NETO1: variants seen among roughly 807,000 people sequenced by gnomAD.
NETO1 encodes neuropilin and tolloid-like protein 1.
Under a neutral mutation model 61.3 loss-of-function variants are expected in NETO1, and 26 were observed. The observed-to-expected ratio is 0.42, with a 90% CI of 0.31 to 0.59. The LOEUF (loss-of-function observed/expected upper bound fraction) is 0.59. Ranked by LOEUF, NETO1 falls within the 20% of genes least tolerant of loss-of-function variation. The pLI is 0.12. For synonymous variants in NETO1, 225 were observed against 225.8 expected (o/e 1.00, Z 0.03); for missense variants, 531 against 662.8 (o/e 0.80, Z 2.18).
At chr18:72,848,735 C>T (rs145420827) in intron 4 of NETO1, among the ~76,000 whole-genome samples, 1 of 152,284 alleles carries the variant, frequency 6.6e-6, no homozygotes, top group African/African-American at 2.4e-5. Context: ...CCTCCTGAGT[C>T]AGCCTACTGA....
rs2070424698 is a variant in NETO1 at position 72,746,055 on chromosome 18, A to G, written c.*2124T>C. 6.6e-6 allele frequency: 1 copy of G among 152,102 alleles called. No homozygotes were observed. Among genetic ancestry groups the G allele is most frequent in the Non-Finnish European group, 1.5e-5 (1 of 68,018 alleles). The allele number at this position is 152,102 out of a possible 1,614,324, so 9.4% of individuals were successfully genotyped here. A position where few individuals can be genotyped will look rare whatever the true frequency, so the allele number is the denominator to read the frequency against. ...TTTCTGGTGAAAATACCTTTTAAGC[A>G]GGGAATCAGCATTCTGTATATTCAG... On this transcript the variant is annotated 3_prime_UTR_variant, in exon 11 of 11. Transcript: ENST00000327305.
At chr18:72,760,830 G>C (rs2070946888) in intron 7 of NETO1, among the ~76,000 whole-genome samples, 2 of 152,144 alleles carry the variant, frequency 1.3e-5, no homozygotes, top group African/African-American at 4.8e-5. Flanking sequence ...TCCAACGTGA[G>C]TTACGTGATC....
intron 3 of NETO1, among the ~76,000 whole-genome samples, chr18:72,862,309 T>A (rs1161466991): frequency 6.6e-6 from 1 of 152,188 alleles, no homozygotes; most frequent in Non-Finnish European, 1.5e-5. Flanking sequence ...AATATTCTCT[T>A]GGATAATTTT....
chr18:72,867,086 C>T (rs1398247960), intron 1 of NETO1, 178 bp downstream of exon 1: 10 of 488,930 alleles, frequency 2.0e-5, no homozygotes, highest in East Asian at 1.1e-4. Context: ...CCGCGCGCCG[C>T]CCCCACGCCC....
chr18:72,849,964 C>A (rs1472654390), intron 4 of NETO1, among the ~76,000 whole-genome samples: 3 of 152,210 alleles, frequency 2.0e-5, no homozygotes, highest in African/African-American at 7.2e-5. Flanking sequence ...CTGCCTCCTT[C>A]GTTACATACT....
At chr18:72,818,074 T>C (rs1436116316) in intron 4 of NETO1, among the ~76,000 whole-genome samples, 1 of 152,146 alleles carries the variant, frequency 6.6e-6, no homozygotes, top group African/African-American at 2.4e-5. Context: ...TGGTGTTAAA[T>C]AAGATCAGCT....
intron 4 of NETO1, among the ~76,000 whole-genome samples, chr18:72,810,056 T>C (rs1358444637): frequency 6.6e-6 from 1 of 152,238 alleles, no homozygotes; most frequent in East Asian, 1.9e-4. Context: ...AATGTCACTG[T>C]TTGCAATTTA....
At chr18:72,815,746 T>C (rs2073011946) in intron 4 of NETO1, among the ~76,000 whole-genome samples, 1 of 152,150 alleles carries the variant, frequency 6.6e-6, no homozygotes, top group African/African-American at 2.4e-5. Context: ...AATTTTGGCA[T>C]AGATTTTGGA....
At chr18:72,777,356 T>C (rs2071582918) in intron 7 of NETO1, among the ~76,000 whole-genome samples, 2 of 140,264 alleles carry the variant, frequency 1.4e-5, no homozygotes, top group South Asian at 2.3e-4. Context: ...AGGGGGGAGG[T>C]TGCAGGGAGC....
At chr18:72,853,157 G>A (rs1201356285) in intron 4 of NETO1, among the ~76,000 whole-genome samples, 2 of 152,058 alleles carry the variant, frequency 1.3e-5, no homozygotes, top group African/African-American at 4.8e-5. Context: ...TTTTCTCAGT[G>A]CTGTGATTCT....
intron 4 of NETO1, among the ~76,000 whole-genome samples, chr18:72,855,105 TGA>T (rs1283274354): frequency 5.3e-5 from 8 of 152,226 alleles, no homozygotes; most frequent in Admixed American, 3.9e-4. Context: ...TTAAATTGTT[TGA>T]GTTATCAAAT....
At position 72,757,741 on chromosome 18, in the gene NETO1, C is replaced by T. The variant is rs151037138; in HGVS notation, c.869-1594G>A. Among the ~76,000 whole-genome samples, 56 of 152,234 alleles carry T rather than the reference C, an allele frequency of 3.7e-4. No homozygotes were observed. In the East Asian group the frequency reaches 9.6e-3, roughly 26 times the overall value. ...TCCAGTATATTATTGTAAAGACCTG[C>T]TCTTTAGTAAGCAACTAAATTTGAA... On this transcript the variant is annotated intron_variant, in intron 7 of 10. Transcript: ENST00000327305.
chr18:72,814,631 C>T (rs1342416600), intron 4 of NETO1, among the ~76,000 whole-genome samples: 8 of 151,980 alleles, frequency 5.3e-5, no homozygotes. Flanking sequence ...TAAGAAACAT[C>T]TCTAATTTAG....
intron 4 of NETO1, among the ~76,000 whole-genome samples, chr18:72,819,069 C>A (rs918448208): frequency 1.3e-5 from 2 of 152,106 alleles, no homozygotes; most frequent in Admixed American, 6.5e-5. Context: ...GTTTATAAAG[C>A]CATGAGTGAA....
chr18:72,789,561 C>T (rs989276695), intron 6 of NETO1, among the ~76,000 whole-genome samples: 7 of 152,062 alleles, frequency 4.6e-5, no homozygotes, highest in African/African-American at 7.2e-5. Flanking sequence ...TTCTATTGCT[C>T]GGTAACAAAT....
At chr18:72,769,973 A>T (rs914481868) in intron 7 of NETO1, among the ~76,000 whole-genome samples, 8 of 152,048 alleles carry the variant, frequency 5.3e-5, no homozygotes, top group Non-Finnish European at 7.4e-5. Flanking sequence ...CTATTTTGGA[A>T]TTTTTATATA....
At chr18:72,787,917 C>T (rs943567863) in intron 6 of NETO1, among the ~76,000 whole-genome samples, 4 of 152,002 alleles carry the variant, frequency 2.6e-5, no homozygotes, top group Admixed American at 6.6e-5. Flanking sequence ...GCAAAACTAT[C>T]CACTTCTTCT....
chr18:72,750,010 G>A, intron 9 of NETO1, 52 bp downstream of exon 9: 3 of 1,284,312 alleles, frequency 2.3e-6, no homozygotes, highest in African/African-American at 1.5e-5. Flanking sequence ...TACTCTGGAA[G>A]TATTTCAGTC....
chr18:72,764,175 T>A (rs1407419982), intron 7 of NETO1, among the ~76,000 whole-genome samples: 1 of 152,148 alleles, frequency 6.6e-6, no homozygotes, highest in Non-Finnish European at 1.5e-5. Context: ...TACATTTACA[T>A]CTTCTTGCTT....
Sources: allele counts gnomAD v4.1 joint callset (sites outside exome capture counted in the v4.1 genomes callset), GRCh38; gene constraint gnomAD v4.1.1; transcripts MANE v1.5; gene names NCBI Gene and HGNC (gene_info 2026-07-23, HGNC 2026-07-21).